Variants in SEC22C observed in about 807,000 individuals in gnomAD.
SEC22C encodes vesicle-trafficking protein SEC22c.
A neutral mutation model predicts 34.7 loss-of-function variants in SEC22C; 29 were observed. The ratio of observed to expected loss-of-function variants is 0.84; its 90% CI spans 0.62 to 1.14. The LOEUF is 1.14. SEC22C is among the 50% of genes most tolerant of loss of function. The pLI is 0.00. For synonymous variants in SEC22C, 117 were observed against 132.8 expected (o/e 0.88, Z 0.82); for missense variants, 337 against 369.0 (o/e 0.91, Z 0.71).
At position 42,563,701 on chromosome 3, in the gene SEC22C, C is replaced by G; in HGVS notation, c.183-15G>C. On this transcript the variant is annotated splice_polypyrimidine_tract_variant and intron_variant, in intron 2 of 6. Coordinates refer to ENST00000264454, the MANE Select transcript of SEC22C (RefSeq NM_032970.4). ...AAGAAGAAAAACTGAAACAAAAGGG[C>G]AATATCTGTATTACCAGGAAACAGC... 1.2e-6 allele frequency: 2 copies of G among 1,613,434 alleles called. No homozygotes were observed. The highest frequency in any genetic ancestry group is 2.2e-5 in the South Asian group (2 of 91,002).
rs1213324236 is a variant in SEC22C at position 42,563,497 on chromosome 3, A to T, written c.346+26T>A. 4 of 1,592,292 alleles carry T rather than the reference A, an allele frequency of 2.5e-6. No homozygotes were observed. The African/African-American group carries it at 5.4e-5, about 22-fold the overall frequency. ...CACATATAACACCATGGAAGAGAAA[A>T]ATAAATATGAAAGAGGGTTACAAAC... On this transcript the variant is annotated intron_variant, in intron 3 of 6. Transcript: ENST00000264454.
Position 42,548,375 on chromosome 3 carries a change from G to A in SEC22C, c.*4873C>T, listed in dbSNP as rs1273022420. ...TTAAAGGTCATATGTACTAAGCATG[G>A]GTCAGAGGAATAGAATGGATTTGTT... On this transcript the variant is annotated 3_prime_UTR_variant, in exon 7 of 7. Coordinates refer to ENST00000264454, the MANE Select transcript of SEC22C (RefSeq NM_032970.4). 3 of 573,562 alleles carry A rather than the reference G, an allele frequency of 5.2e-6. No individual in the cohort carries two copies. Among genetic ancestry groups the A allele is most frequent in the Non-Finnish European group, 9.4e-6 (3 of 320,132 alleles). 35.5% of individuals were successfully genotyped at this position (573,562 alleles called of 1,614,324 possible). A position where few individuals can be genotyped will look rare whatever the true frequency, so the allele number is the denominator to read the frequency against.
chr3:42,561,870 C>T (rs767413487), intron 3 of SEC22C, among the ~76,000 whole-genome samples: 1 of 151,974 alleles, frequency 6.6e-6, no homozygotes, highest in Non-Finnish European at 1.5e-5. Context: ...ATGAGAGAGT[C>T]GGGGGAAAGG....
chr3:42,592,381 G>A (rs1454614565), intron 1 of SEC22C, among the ~76,000 whole-genome samples: 1 of 151,990 alleles, frequency 6.6e-6, no homozygotes, highest in Non-Finnish European at 1.5e-5. Context: ...TATATTTGTA[G>A]TAGAGACAGG....
chr3:42,561,506 G>C (rs1702907774), intron 3 of SEC22C, among the ~76,000 whole-genome samples: 2 of 152,060 alleles, frequency 1.3e-5, no homozygotes, highest in South Asian at 4.2e-4. Context: ...CTCCCAAGTA[G>C]CTGAGACCAC....
At chr3:42,560,112 CTCTCTCTCTA>C (rs766263108) in intron 4 of SEC22C, among the ~76,000 whole-genome samples, 1,807 of 110,572 alleles carry the variant, frequency 0.016, 31 homozygotes, top group African/African-American at 0.07. Context: ...CTCTCTCTCT[CTCTCTCTCTA>C]TATATATATA....
At chr3:42,601,018 G>A (rs983444215) in exon 1 of SEC22C, 1 of 1,578,404 alleles carries the variant, frequency 6.3e-7, no homozygotes, top group Non-Finnish European at 8.6e-7. Flanking sequence ...TGGGGGCGCA[G>A]GACCGGCCGC....
chr3:42,568,787 C>A, intron 2 of SEC22C, 78 bp downstream of exon 2: 1 of 1,188,468 alleles, frequency 8.4e-7, no homozygotes, highest in Non-Finnish European at 1.2e-6. Flanking sequence ...ATGTGATCAG[C>A]ATAAGATTAT....
At chr3:42,580,362 T>C (rs1704254236) in intron 1 of SEC22C, 2 of 152,144 alleles carry the variant, frequency 1.3e-5, no homozygotes, top group Admixed American at 6.5e-5. Flanking sequence ...GTGTTCACCA[T>C]AAAGTATATA....
At chr3:42,572,112 C>T (rs541701675) in intron 1 of SEC22C, among the ~76,000 whole-genome samples, 113 of 151,666 alleles carry the variant, frequency 7.5e-4, no homozygotes, top group Non-Finnish European at 1.2e-3. Context: ...AATGACACAG[C>T]TGTGAGTCTG....
At chr3:42,596,006 T>C (rs1705016923) in intron 1 of SEC22C, among the ~76,000 whole-genome samples, 1 of 152,140 alleles carries the variant, frequency 6.6e-6, no homozygotes, top group East Asian at 1.9e-4. Context: ...TTTCTTCTTT[T>C]TTTTGGTTTT....
In SEC22C at chr3:42,579,607, C is replaced by CA. The variant is rs1279147159; in HGVS notation, c.-28+2238dup. The CA allele has an allele frequency of 9.5e-3, 815 of 85,754 alleles. 4 individuals carry two copies. Among genetic ancestry groups the CA allele is most frequent in the East Asian group, 0.027 (87 of 3,256 alleles). The allele number at this position is 85,754 out of a possible 1,614,324, so 5.3% of individuals were successfully genotyped here. On this transcript the variant is annotated intron_variant, in intron 1 of 6. Transcript: ENST00000264454. ...CAAAGTGAGACCCTGTCTCAAAAAA[C>CA]AAAAAAAAAAAAAAGAAAAGAAAAA... is the stretch of plus-strand genomic sequence containing the variant.
chr3:42,564,209 T>G, intron 2 of SEC22C: 1 of 241,706 alleles, frequency 4.1e-6, no homozygotes, highest in South Asian at 5.1e-5. Context: ...GATTGTGGTA[T>G]TTAGGTTATT....
chr3:42,560,200 A>T (rs12634252), intron 4 of SEC22C, among the ~76,000 whole-genome samples: 16 of 145,796 alleles, frequency 1.1e-4, no homozygotes, highest in African/African-American at 3.5e-4. Context: ...TTATATATAT[A>T]ATATATATAA....
rs1702112599 is a variant in SEC22C at position 42,548,868 on chromosome 3, TG to T, written c.*4379del. On this transcript the variant is annotated 3_prime_UTR_variant, in exon 7 of 7. Coordinates refer to ENST00000264454, the MANE Select transcript of SEC22C (RefSeq NM_032970.4). ...GAAAAACCTTCATGTACCAGGTGAATGTAAAGCCTTTCTCCTCCCACACACA... is the reference window on the plus strand; with the variant it reads ...GAAAAACCTTCATGTACCAGGTGAATTAAAGCCTTTCTCCTCCCACACACA... The T allele has an allele frequency of 7.2e-7, 1 of 1,385,952 alleles. No homozygotes were observed. Among genetic ancestry groups the T allele is most frequent in the Admixed American group, 2.9e-5 (1 of 34,396 alleles). The allele number at this position is 1,385,952 out of a possible 1,614,324, so 85.9% of individuals were successfully genotyped here.
At chr3:42,554,002 G>GT (rs1384825953) in intron 6 of SEC22C, among the ~76,000 whole-genome samples, 3 of 152,158 alleles carry the variant, frequency 2.0e-5, no homozygotes, top group African/African-American at 7.2e-5. Flanking sequence ...AGCAGGGAGA[G>GT]TGACTGGTAT....
At chr3:42,581,117 A>G (rs1171322513) in intron 1 of SEC22C, among the ~76,000 whole-genome samples, 1 of 152,262 alleles carries the variant, frequency 6.6e-6, no homozygotes, top group Non-Finnish European at 1.5e-5. Flanking sequence ...TGGCAACGTT[A>G]AACCATTTCC....
At chr3:42,600,389 T>A (rs543871681) in intron 1 of SEC22C, 2 of 151,890 alleles carry the variant, frequency 1.3e-5, no homozygotes, top group Non-Finnish European at 2.9e-5. Flanking sequence ...TATCGGAAAA[T>A]GCGCGGCGCT....
chr3:42,595,512 A>C (rs1705002366), intron 1 of SEC22C, among the ~76,000 whole-genome samples: 1 of 152,202 alleles, frequency 6.6e-6, no homozygotes, highest in Non-Finnish European at 1.5e-5. Flanking sequence ...ATAAGGAGTG[A>C]CCTGACTTTT....
Sources: allele counts gnomAD v4.1 joint callset (sites outside exome capture counted in the v4.1 genomes callset), GRCh38; gene constraint gnomAD v4.1.1; transcripts MANE v1.5; gene names NCBI Gene and HGNC (gene_info 2026-07-23, HGNC 2026-07-21).